The following RSRC2 variants were observed in gnomAD, a reference collection of about 807,000 sequenced individuals.
RSRC2 encodes the protein arginine/serine-rich coiled-coil protein 2.
RSRC2 carries 5 observed loss-of-function variants against 61.3 expected under a neutral mutation model. The observed-to-expected ratio is 0.08, with a 90% CI of 0.04 to 0.17. The LOEUF is 0.17. Ranked by LOEUF, RSRC2 falls within the 10% of genes least tolerant of loss-of-function variation. The pLI, the probability that RSRC2 is intolerant of heterozygous loss-of-function variation, is 1.00. For missense variants in RSRC2, 381 were observed against 518.8 expected, an observed-to-expected ratio of 0.73 and a Z score of 2.58; for synonymous variants, 202 against 166.5, an observed-to-expected ratio of 1.21 and a Z score of -1.64.
chr12:122,519,096 G>C, intron 3 of RSRC2, 67 bp from the exon 4 acceptor site: 1 of 1,335,548 alleles, frequency 7.5e-7, no homozygotes, highest in Non-Finnish European at 1.1e-6. Flanking sequence ...ATGGGTATCA[G>C]TAGACAAAAA....
Position 122,517,472 on chromosome 12 carries a change from T to C in RSRC2, c.399-42A>G, listed in dbSNP as rs372278961. ...CAAATTTGTAATTACTTAAAAGTTG[T>C]GTTGTTTCATTTATACACATCATGA... On this transcript the variant is annotated intron_variant, in intron 4 of 9. Transcript: ENST00000331738. The C allele has an allele frequency of 1.9e-6, 3 of 1,611,948 alleles. No homozygotes were observed. The East Asian group carries it at 6.7e-5, about 36-fold the overall frequency.
chr12:122,511,361 T>C (rs1031727268), intron 6 of RSRC2, among the ~76,000 whole-genome samples, 173 bp from the exon 7 acceptor site: 3 of 152,116 alleles, frequency 2.0e-5, no homozygotes, highest in Admixed American at 2.0e-4. Context: ...TAAGATGATA[T>C]AAGCTACATT....
Position 122,521,366 on chromosome 12 carries a change from A to G in RSRC2, c.207+19T>C. 2 of 1,589,192 alleles carry G rather than the reference A, an allele frequency of 1.3e-6. No homozygotes were observed. The highest frequency in any genetic ancestry group is 1.7e-6 in the Non-Finnish European group (2 of 1,158,510). On this transcript the variant is annotated intron_variant, in intron 3 of 9. Coordinates refer to ENST00000331738, the MANE Select transcript of RSRC2 (RefSeq NM_023012.6). ...TATAAGTATTTTAAAGTACCTATTC[A>G]CTACAAAGTGTTAATTACCTCTTTG...
At chr12:122,520,780 C>T (rs1959187907) in intron 3 of RSRC2, 2 of 337,182 alleles carry the variant, frequency 5.9e-6, no homozygotes, top group Admixed American at 4.2e-5. Context: ...TTCTACACTT[C>T]CTTATTGGCT....
chr12:122,511,925 G>T (rs1449949258), intron 6 of RSRC2, among the ~76,000 whole-genome samples: 1 of 152,164 alleles, frequency 6.6e-6, no homozygotes, highest in Non-Finnish European at 1.5e-5. Flanking sequence ...TCCTGCCTCA[G>T]CCTCCTGTGT....
Position 122,503,677 on chromosome 12 carries a change from T to C in RSRC2, c.*1850A>G, listed in dbSNP as rs1957991251. Reference sequence around the variant, plus strand: ...TGATCACGAAATGAAGGATCCATAGTGTCATTTCCTTAGAAGGCTTAGATT... The same window carrying C: ...TGATCACGAAATGAAGGATCCATAGCGTCATTTCCTTAGAAGGCTTAGATT... On this transcript the variant is annotated 3_prime_UTR_variant, in exon 10 of 10. Coordinates refer to ENST00000331738, the MANE Select transcript of RSRC2 (RefSeq NM_023012.6). The C allele has an allele frequency of 6.6e-6, 1 of 152,208 alleles. No individual in the cohort carries two copies. Among genetic ancestry groups the C allele is most frequent in the African/African-American group, 2.4e-5 (1 of 41,458 alleles). 9.4% of individuals were successfully genotyped at this position (152,208 alleles called of 1,614,324 possible). A position where few individuals can be genotyped will look rare whatever the true frequency, so the allele number is the denominator to read the frequency against.
At chr12:122,526,629 TG>T (rs916234192) in intron 1 of RSRC2, among the ~76,000 whole-genome samples, 1 of 151,834 alleles carries the variant, frequency 6.6e-6, no homozygotes, top group Non-Finnish European at 1.5e-5. Flanking sequence ...AGGAAAGTTC[TG>T]GAAAAAAAAA....
At chr12:122,508,176 A>C (rs1362658967) in intron 8 of RSRC2, 42 bp downstream of exon 8, 1 of 1,542,876 alleles carries the variant, frequency 6.5e-7, no homozygotes, top group Admixed American at 1.7e-5. Context: ...AGCAATTACT[A>C]ATTAGGAATA....
chr12:122,517,599 A>G (rs570614014), intron 4 of RSRC2, among the ~76,000 whole-genome samples, 169 bp from the exon 5 acceptor site: 23 of 152,290 alleles, frequency 1.5e-4, no homozygotes, highest in Admixed American at 8.5e-4. Context: ...CTGAAAACGA[A>G]CCCTTCATTT....
Position 122,522,158 on chromosome 12 carries a change from T to G in RSRC2, c.148A>C (p.Arg50=), listed in dbSNP as rs745617598. 6.2e-7 allele frequency: 1 copy of G among 1,610,498 alleles called. No homozygotes were observed. The highest frequency in any genetic ancestry group is 1.7e-5 in the Admixed American group (1 of 58,864). ...GAATTCATACCTGACTTTCGTTTTC[T>G]TTCTCTTGACCTTGATCGTGATCTT... ...YSRSRSRSRE[R]KRKSDNEGRK... Residue 50 remains arginine (R), a synonymous_variant, in exon 2 of 10, where the codon AGA becomes CGA. Transcript: ENST00000331738.
rs992299092 is a variant in RSRC2, at chr12:122,503,856, G to T, written c.*1671C>A. On this transcript the variant is annotated 3_prime_UTR_variant, in exon 10 of 10. Transcript: ENST00000331738. ...CATCACTTTGGGAGCCCTGAGGTGG[G>T]AGGATTGCTTGAGGCCAGGAATTCA... 1.3e-5 allele frequency: 2 copies of T among 152,174 alleles called. No homozygotes were observed. Among genetic ancestry groups the T allele is most frequent in the African/African-American group, 2.4e-5 (1 of 41,424 alleles). The allele number at this position is 152,174 out of a possible 1,614,324, so 9.4% of individuals were successfully genotyped here. A position where few individuals can be genotyped will look rare whatever the true frequency, so the allele number is the denominator to read the frequency against.
chr12:122,508,818 T>G (rs1222475814), intron 7 of RSRC2, among the ~76,000 whole-genome samples: 1 of 151,726 alleles, frequency 6.6e-6, no homozygotes, highest in African/African-American at 2.4e-5. Flanking sequence ...TAGCCGGGCG[T>G]GGTGGTACAT....
At chr12:122,507,844 CCTGG>C (rs1427892356) in intron 8 of RSRC2, 2 of 246,948 alleles carry the variant, frequency 8.1e-6, no homozygotes, top group African/African-American at 4.5e-5. Context: ...CACCACCATG[CCTGG>C]CTAAGTGGCA....
At chr12:122,521,962 A>G (rs188682881) in intron 2 of RSRC2, among the ~76,000 whole-genome samples, 181 bp downstream of exon 2, 6 of 152,270 alleles carry the variant, frequency 3.9e-5, no homozygotes, top group Admixed American at 3.3e-4. Flanking sequence ...GAGTGTGTCA[A>G]TTTTTGTATT....
intron 6 of RSRC2, 40 bp from the exon 7 acceptor site, chr12:122,511,228 T>C (rs752605937): frequency 7.0e-7 from 1 of 1,435,422 alleles, no homozygotes; most frequent in Non-Finnish European, 9.7e-7. Context: ...TAACACAATA[T>C]AAAACCATTA....
intron 3 of RSRC2, 48 bp downstream of exon 3, chr12:122,521,337 A>G: frequency 1.4e-6 from 2 of 1,414,164 alleles, no homozygotes; most frequent in Non-Finnish European, 2.0e-6. Context: ...TCTACCAGAC[A>G]CTTTATAAGT....
At chr12:122,526,641 G>C (rs1593448754) in intron 1 of RSRC2, among the ~76,000 whole-genome samples, 1 of 152,024 alleles carries the variant, frequency 6.6e-6, no homozygotes, top group Non-Finnish European at 1.5e-5. Context: ...GAAAAAAAAA[G>C]GCACTCCCTG....
chr12:122,512,502 T>TA (rs1958602388), intron 6 of RSRC2, among the ~76,000 whole-genome samples: 1 of 151,848 alleles, frequency 6.6e-6, no homozygotes, highest in African/African-American at 2.4e-5. Context: ...CTGAGGTGGG[T>TA]GGATCACCTG....
At chr12:122,517,510 T>C (rs1253474134) in intron 4 of RSRC2, 80 bp from the exon 5 acceptor site, 5 of 1,534,984 alleles carry the variant, frequency 3.3e-6, no homozygotes, top group African/African-American at 2.7e-5. Context: ...TAGTTACTTG[T>C]AGTAACGCAA....
Sources: gnomAD v4.1 joint callset for allele counts (sites outside exome capture counted in the v4.1 genomes callset) on GRCh38, gnomAD v4.1.1 for gene constraint, MANE v1.5 for transcripts, NCBI Gene and HGNC (gene_info 2026-07-23, HGNC 2026-07-21) for gene names.